The following LRRC28 variants were observed in gnomAD, a reference collection of about 807,000 sequenced individuals.
LRRC28 encodes the protein leucine rich repeat containing 28.
LRRC28 carries 39 observed loss-of-function variants against 45.7 expected under a neutral mutation model. The observed-to-expected ratio is 0.85, with a 90% CI of 0.66 to 1.12. LRRC28 has a LOEUF of 1.12. Among genes scored for constraint, LRRC28 ranks in the 50% most tolerant of loss-of-function variants. LRRC28 has a pLI of 0.00. For synonymous variants in LRRC28, 206 were observed against 178.8 expected, an observed-to-expected ratio of 1.15 and a Z score of -1.22; for missense variants, 435 against 438.5, an observed-to-expected ratio of 0.99 and a Z score of 0.07.
intron 9 of LRRC28, among the ~76,000 whole-genome samples, chr15:99,383,654 C>T (rs758527290): frequency 5.9e-5 from 9 of 152,148 alleles, no homozygotes; most frequent in Non-Finnish European, 1.3e-4. Context: ...CTCTGATAAT[C>T]GTATATCTAT....
chr15:99,355,662 C>T (rs1957026438), intron 7 of LRRC28: 1 of 150,414 alleles, frequency 6.6e-6, no homozygotes, highest in Non-Finnish European at 1.5e-5. Context: ...GTAATTGGCA[C>T]ATATACTTAC....
rs1340783453 is a variant in LRRC28, at chr15:99,389,305, G to A, written c.*3203G>A. On this transcript the variant is annotated 3_prime_UTR_variant, in exon 10 of 10. Coordinates refer to ENST00000301981, the MANE Select transcript of LRRC28 (RefSeq NM_144598.5). ...TCTTTACAGTCTAGGGGGAAAAAAA[G>A]GCTTCAATACCAGTTGGCTTATGAG... 1 of 152,146 alleles carries A rather than the reference G, an allele frequency of 6.6e-6. No individual in the cohort carries two copies. The highest frequency in any genetic ancestry group is 1.5e-5 in the Non-Finnish European group (1 of 68,028). 9.4% of individuals were successfully genotyped at this position (152,146 alleles called of 1,614,324 possible).
At chr15:99,309,896 CA>C (rs1440711166) in intron 5 of LRRC28, among the ~76,000 whole-genome samples, 1 of 152,062 alleles carries the variant, frequency 6.6e-6, no homozygotes, top group Non-Finnish European at 1.5e-5. Flanking sequence ...AATTCCAGGC[CA>C]AAGAGATTAA....
At chr15:99,274,900 A>G (rs184466867) in intron 2 of LRRC28, among the ~76,000 whole-genome samples, 3 of 152,246 alleles carry the variant, frequency 2.0e-5, no homozygotes, top group African/African-American at 7.2e-5. Flanking sequence ...ATCCTCTTAT[A>G]ATTTATGTCT....
chr15:99,375,257 G>A (rs62025364), intron 9 of LRRC28, among the ~76,000 whole-genome samples: 23,521 of 152,102 alleles, frequency 0.15, 1,871 homozygotes, highest in African/African-American at 0.17. Context: ...TCTTTTGCCT[G>A]TTGATATGGT....
At chr15:99,335,168 TA>T (rs1956282674) in intron 6 of LRRC28, among the ~76,000 whole-genome samples, 1 of 152,054 alleles carries the variant, frequency 6.6e-6, no homozygotes, top group African/African-American at 2.4e-5. Flanking sequence ...TAAATAGAAT[TA>T]AAAAAATAAA....
chr15:99,378,901 TG>T (rs1957727803), intron 9 of LRRC28, among the ~76,000 whole-genome samples: 1 of 152,194 alleles, frequency 6.6e-6, no homozygotes, highest in African/African-American at 2.4e-5. Flanking sequence ...CACTTGATCA[TG>T]GTGGATAAGC....
At chr15:99,334,402 AGT>A (rs57298947) in intron 6 of LRRC28, among the ~76,000 whole-genome samples, 22,467 of 144,384 alleles carry the variant, frequency 0.16, 1,945 homozygotes, top group Middle Eastern at 0.25. Context: ...GGAATTAAAG[AGT>A]GTGTGTGTGT....
At chr15:99,362,792 G>T (rs1360850613) in intron 8 of LRRC28, among the ~76,000 whole-genome samples, 1 of 152,046 alleles carries the variant, frequency 6.6e-6, no homozygotes, top group Non-Finnish European at 1.5e-5. Flanking sequence ...AGTCCTCTTT[G>T]GGTGAATTAT....
chr15:99,363,377 C>G, intron 9 of LRRC28, 112 bp downstream of exon 9: 1 of 1,099,288 alleles, frequency 9.1e-7, no homozygotes. Context: ...AGGGGCATAA[C>G]ATGCTTCCTG....
chr15:99,298,923 G>C (rs1389565161), intron 5 of LRRC28, among the ~76,000 whole-genome samples: 2 of 152,178 alleles, frequency 1.3e-5, no homozygotes, highest in Non-Finnish European at 2.9e-5. Flanking sequence ...TAGCCAGGCT[G>C]GTCTCCAACT....
At chr15:99,290,842 C>G (rs1207507738) in intron 5 of LRRC28, among the ~76,000 whole-genome samples, 1 of 152,038 alleles carries the variant, frequency 6.6e-6, no homozygotes, top group Non-Finnish European at 1.5e-5. Flanking sequence ...GTGACACACA[C>G]CTTAGTCCTA....
chr15:99,366,731 G>A (rs1056626137), intron 9 of LRRC28, among the ~76,000 whole-genome samples: 1 of 151,934 alleles, frequency 6.6e-6, no homozygotes, highest in Non-Finnish European at 1.5e-5. Context: ...CCTCACACTG[G>A]GGGTTTGGGC....
intron 7 of LRRC28, among the ~76,000 whole-genome samples, chr15:99,354,190 C>A (rs1035543249): frequency 6.6e-6 from 1 of 152,148 alleles, no homozygotes; most frequent in Non-Finnish European, 1.5e-5. Context: ...GAAATGCTTT[C>A]TTCATAGAAA....
intron 2 of LRRC28, chr15:99,258,140 T>C (rs2081080315): frequency 5.6e-6 from 9 of 1,610,692 alleles, no homozygotes; most frequent in South Asian, 1.1e-5. Context: ...AACAAACGAG[T>C]TTTTAAACAA....
intron 2 of LRRC28, chr15:99,259,228 C>A: frequency 1.9e-6 from 2 of 1,054,958 alleles, no homozygotes; most frequent in Non-Finnish European, 3.0e-6. Context: ...AAGACAAAAT[C>A]TGCCTCATGG....
intron 1 of LRRC28, among the ~76,000 whole-genome samples, 184 bp from the exon 2 acceptor site, chr15:99,255,714 T>C (rs542492985): frequency 1.3e-5 from 2 of 152,190 alleles, no homozygotes; most frequent in Admixed American, 6.5e-5. Flanking sequence ...TTTTATTAAA[T>C]TGTTATTCAT....
intron 2 of LRRC28, among the ~76,000 whole-genome samples, chr15:99,265,809 G>GA (rs899070479): frequency 6.6e-6 from 1 of 151,938 alleles, no homozygotes; most frequent in Admixed American, 6.5e-5. Context: ...TTATTTACAA[G>GA]AAAAAAGGCC....
intron 5 of LRRC28, 89 bp from the exon 6 acceptor site, chr15:99,333,834 C>T (rs1384709056): frequency 7.5e-7 from 1 of 1,341,786 alleles, no homozygotes; most frequent in Non-Finnish European, 1.0e-6. Context: ...CTACTGATTT[C>T]ATTTGGTTAA....
Sources: allele counts gnomAD v4.1 joint callset (sites outside exome capture counted in the v4.1 genomes callset), GRCh38; gene constraint gnomAD v4.1.1; transcripts MANE v1.5; gene names NCBI Gene and HGNC (gene_info 2026-07-23, HGNC 2026-07-21).